The following SMIM21 variants were observed in gnomAD, a reference collection of about 807,000 sequenced individuals.
The protein encoded by SMIM21 is chromosome 18 open reading frame 62.
A neutral mutation model predicts 8.6 loss-of-function variants in SMIM21; 8 were observed. That is an observed-to-expected ratio of 0.93 (90% CI 0.55 to 1.68). SMIM21 has a LOEUF of 1.68. Among genes scored for constraint, SMIM21 ranks in the 40% most tolerant of loss-of-function variants. SMIM21 has a pLI of 0.00. For missense variants in SMIM21, 132 were observed against 123.0 expected, an observed-to-expected ratio of 1.07 and a Z score of -0.35; for synonymous variants, 43 against 41.7, an observed-to-expected ratio of 1.03 and a Z score of -0.12.
intron 1 of SMIM21, among the ~76,000 whole-genome samples, chr18:75,424,899 C>T (rs1028910071): frequency 6.6e-6 from 1 of 152,178 alleles, no homozygotes; most frequent in Non-Finnish European, 1.5e-5. Flanking sequence ...CCAAAGCACA[C>T]AATTGCTTTT....
intron 1 of SMIM21, among the ~76,000 whole-genome samples, chr18:75,422,011 TGAGACAAA>T (rs2024713571): frequency 6.6e-6 from 1 of 152,172 alleles, no homozygotes; most frequent in African/African-American, 2.4e-5. Context: ...TGATTGGGGT[TGAGACAAA>T]GAGACAACAT....
At chr18:75,416,145 TG>T (rs1306339491) in intron 2 of SMIM21, 2 of 152,266 alleles carry the variant, frequency 1.3e-5, no homozygotes, top group Non-Finnish European at 2.9e-5. Context: ...AGCAGTTGGT[TG>T]TTCCTGCCAA....
At chr18:75,418,145 G>C in intron 2 of SMIM21, 1 of 398,460 alleles carries the variant, frequency 2.5e-6, no homozygotes. Context: ...GGCTGGGTAT[G>C]TTGAAAACAC....
intron 2 of SMIM21, chr18:75,416,327 A>C (rs1204431962): frequency 1.3e-5 from 2 of 152,148 alleles, no homozygotes; most frequent in African/African-American, 2.4e-5. Flanking sequence ...TGCCGTGTGT[A>C]CTTCTTTTTT....
intron 1 of SMIM21, 48 bp from the exon 2 acceptor site, chr18:75,418,964 C>A: frequency 7.8e-7 from 1 of 1,277,290 alleles, no homozygotes; most frequent in South Asian, 1.3e-5. Context: ...TCTGGCTTTT[C>A]AAGCTTCATG....
intron 2 of SMIM21, among the ~76,000 whole-genome samples, chr18:75,413,820 C>T (rs1000418351): frequency 1.3e-5 from 2 of 152,096 alleles, no homozygotes; most frequent in Non-Finnish European, 2.9e-5. Context: ...AACACCTTGT[C>T]TACTTCAACA....
At chr18:75,420,224 A>G (rs953823199) in intron 1 of SMIM21, among the ~76,000 whole-genome samples, 24 of 152,210 alleles carry the variant, frequency 1.6e-4, no homozygotes, top group African/African-American at 5.8e-4. Context: ...GGGTTGTATC[A>G]TGTTTGAATT....
At chr18:75,423,752 CT>C (rs763405861) in intron 1 of SMIM21, among the ~76,000 whole-genome samples, 1 of 152,228 alleles carries the variant, frequency 6.6e-6, no homozygotes, top group Non-Finnish European at 1.5e-5. Flanking sequence ...TAATAAATTA[CT>C]TGTGCTGTGT....
At chr18:75,421,167 T>G (rs982694169) in intron 1 of SMIM21, among the ~76,000 whole-genome samples, 6 of 152,196 alleles carry the variant, frequency 3.9e-5, no homozygotes, top group Admixed American at 3.3e-4. Context: ...AAAAACCAGC[T>G]TTAGGTCCCA....
chr18:75,425,014 G>C (rs903320034), intron 1 of SMIM21, among the ~76,000 whole-genome samples: 2 of 152,238 alleles, frequency 1.3e-5, no homozygotes, highest in African/African-American at 2.4e-5. Context: ...CAAGTCTCAT[G>C]GCGATGGGCG....
At chr18:75,420,420 C>T (rs545060237) in intron 1 of SMIM21, among the ~76,000 whole-genome samples, 1 of 152,250 alleles carries the variant, frequency 6.6e-6, no homozygotes, top group South Asian at 2.1e-4. Context: ...CTCTGTCTCT[C>T]TTTTTTTAAA....
chr18:75,419,361 A>ATT (rs978773487), intron 1 of SMIM21, among the ~76,000 whole-genome samples: 1 of 150,204 alleles, frequency 6.7e-6, no homozygotes, highest in Admixed American at 6.6e-5. Flanking sequence ...TCACTGACTG[A>ATT]TTTTTTTTTT....
intron 2 of SMIM21, among the ~76,000 whole-genome samples, chr18:75,413,760 A>G (rs1425042339): frequency 6.6e-6 from 1 of 152,134 alleles, no homozygotes; most frequent in Non-Finnish European, 1.5e-5. Flanking sequence ...TATAAGGGCC[A>G]TCCTTGCTTG....
Position 75,410,831 on chromosome 18 carries a change from T to C in SMIM21, c.*33A>G, listed in dbSNP as rs775215805. ...CATCTTGAGCAGGGGAAATCCATGG[T>C]ATGAAGGCCATGAGAGAGAAACGTA... On this transcript the variant is annotated 3_prime_UTR_variant, in exon 3 of 3. Transcript: ENST00000579022. 26 of 1,613,546 alleles carry C rather than the reference T, an allele frequency of 1.6e-5. No homozygotes were observed. Among genetic ancestry groups the C allele is most frequent in the Non-Finnish European group, 2.0e-5 (24 of 1,179,892 alleles).
At chr18:75,419,290 T>C (rs2024684903) in intron 1 of SMIM21, among the ~76,000 whole-genome samples, 1 of 152,142 alleles carries the variant, frequency 6.6e-6, no homozygotes, top group South Asian at 2.1e-4. Flanking sequence ...GCCCAGTGAG[T>C]TATCAAACAG....
At chr18:75,415,242 T>TC (rs2024631172) in intron 2 of SMIM21, among the ~76,000 whole-genome samples, 1 of 152,186 alleles carries the variant, frequency 6.6e-6, no homozygotes, top group South Asian at 2.1e-4. Context: ...GATATAGGGA[T>TC]CTCAAGGCAG....
intron 1 of SMIM21, among the ~76,000 whole-genome samples, chr18:75,422,196 G>A (rs927743640): frequency 1.4e-4 from 21 of 152,160 alleles, no homozygotes; most frequent in African/African-American, 2.9e-4. Context: ...GGGAGGCTGC[G>A]ACCCCTTATT....
intron 2 of SMIM21, chr18:75,416,227 A>G (rs1034904454): frequency 7.2e-5 from 11 of 152,240 alleles, no homozygotes; most frequent in African/African-American, 2.7e-4. Context: ...ACATGTTGAC[A>G]ATCAGATTTG....
chr18:75,417,604 G>A (rs1344704850), intron 2 of SMIM21: 1 of 152,118 alleles, frequency 6.6e-6, no homozygotes, highest in African/African-American at 2.4e-5. Flanking sequence ...TAAAACTCAA[G>A]ACTATGCCTG....
Sources: allele counts gnomAD v4.1 joint callset (sites outside exome capture counted in the v4.1 genomes callset), GRCh38; gene constraint gnomAD v4.1.1; transcripts MANE v1.5; gene names NCBI Gene and HGNC (gene_info 2026-07-23, HGNC 2026-07-21).